The following CRYGN variants were observed in gnomAD, a reference collection of about 807,000 sequenced individuals.
The protein encoded by CRYGN is gamma-crystallin N.
A neutral mutation model predicts 19.2 loss-of-function variants in CRYGN; 17 were observed. The ratio of observed to expected loss-of-function variants is 0.89; its 90% confidence interval spans 0.61 to 1.33. The LOEUF is 1.33. Among genes scored for constraint, CRYGN ranks in the 40% most tolerant of loss-of-function variants. The pLI is 0.00. For synonymous variants in CRYGN, 84 were observed against 85.8 expected (o/e 0.98, Z 0.12); for missense variants, 239 against 239.6 (o/e 1.00, Z 0.02).
At position 151,436,247 on chromosome 7, in the gene CRYGN, G is replaced by C; in HGVS notation, c.349C>G (p.Pro117Ala). The C allele has an allele frequency of 6.3e-7, 1 of 1,599,044 alleles. No homozygotes were observed. Among genetic ancestry groups the C allele is most frequent in the Non-Finnish European group, 8.5e-7 (1 of 1,172,504 alleles). ...ACCCAGCCCCTGCTCTGGAGGAAGG[G>C]GCTGTCCTCCAGGAACTCCAGGCAC... is the stretch of plus-strand genomic sequence containing the variant. ...GQCLEFLEDSPFLQSRGWVKN... is the reference protein window; with the variant it reads ...GQCLEFLEDSAFLQSRGWVKN... The change falls in exon 3 of 4, where the codon CCC becomes GCC. Residue 117 changes from proline (P) to alanine (A), a missense_variant. Pro to Ala is a conservative substitution (Grantham distance 27, BLOSUM62 -1). Transcript: ENST00000337323. This position sits in a 1 kb window ranked among gnomAD's most constrained non-coding sequence, Gnocchi z 5.1.
rs1305625069 is a variant in CRYGN at position 151,431,582 on chromosome 7, A to G, written c.417-1402T>C. On this transcript the variant is annotated intron_variant, in intron 3 of 3. Coordinates refer to ENST00000337323, the MANE Select transcript of CRYGN (RefSeq NM_144727.3). The surrounding 1 kb of genome is among the most constrained non-coding windows in gnomAD (Gnocchi z 4.8). Reference sequence around the variant, plus strand: ...ACGCCCCATGCCCCTTTCTCCCCGAAAGCCCCTCCATTCCCACAGAGCCCA... The same window carrying G: ...ACGCCCCATGCCCCTTTCTCCCCGAGAGCCCCTCCATTCCCACAGAGCCCA... Among the ~76,000 whole-genome samples the G allele has an allele frequency of 6.6e-6, 1 of 151,998 alleles. No individual in the cohort carries two copies. The highest frequency in any genetic ancestry group is 1.5e-5 in the Non-Finnish European group (1 of 67,962).
chr7:151,432,124 C>A (rs945024450), intron 3 of CRYGN: 6 of 1,154,154 alleles, frequency 5.2e-6, no homozygotes, highest in Non-Finnish European at 6.5e-6. Context: ...AGAGCTGCGC[C>A]CGGCCATCCC....
rs200185270 is a variant in CRYGN at position 151,439,886 on chromosome 7, G to A, written c.21+11C>T. ...CCACTCGGTTTCCTTGGGGTTGAGGGACGCACTCACCTTCCCCGAGCGCTG... is the reference window on the plus strand; with the variant it reads ...CCACTCGGTTTCCTTGGGGTTGAGGAACGCACTCACCTTCCCCGAGCGCTG... On this transcript the variant is annotated intron_variant, in intron 1 of 3. Transcript: ENST00000337323. 1.3e-6 allele frequency: 2 copies of A among 1,557,316 alleles called. No homozygotes were observed. Among genetic ancestry groups the A allele is most frequent in the East Asian group, 2.4e-5 (1 of 42,298 alleles).
chr7:151,434,227 A>C (rs566152192), intron 3 of CRYGN, among the ~76,000 whole-genome samples: 7 of 152,290 alleles, frequency 4.6e-5, no homozygotes, highest in Non-Finnish European at 8.8e-5. Context: ...TCTCAGGGAC[A>C]GTGGGGATTG....
chr7:151,431,306 C>T lies in CRYGN; in HGVS notation c.417-1126G>A, dbSNP rs1470578263. Among the ~76,000 whole-genome samples the T allele has an allele frequency of 1.3e-5, 2 of 152,124 alleles. No homozygotes were observed. The highest frequency in any genetic ancestry group is 1.5e-5 in the Non-Finnish European group (1 of 68,008). On this transcript the variant is annotated intron_variant, in intron 3 of 3. Coordinates refer to ENST00000337323, the MANE Select transcript of CRYGN (RefSeq NM_144727.3). The surrounding 1 kb of genome is among the most constrained non-coding windows in gnomAD (Gnocchi z 4.8). ...CTTTTGGGGACGTGGACCTCTTATG[C>T]CCAGGAATCCCACTGCCTGGGCCGA...
rs570965363 is a variant in CRYGN at position 151,438,045 on chromosome 7, C to T, written c.221G>A (p.Arg74His). ...CATGTGGTCACTGTGGCTGTTCCAGCGGAAGAAGTCGGGGTAGTCGCCGTG... is the reference window on the plus strand; with the variant it reads ...CATGTGGTCACTGTGGCTGTTCCAGTGGAAGAAGTCGGGGTAGTCGCCGTG... ...LEHGDYPDFF[R>H]WNSHSDHMGS... Residue 74 changes from arginine to histidine, a missense_variant, in exon 2 of 4, where the codon CGC becomes CAC. Physicochemically the swap from Arg to His is conservative, Grantham distance 29. Transcript: ENST00000337323. 4.2e-5 allele frequency: 68 copies of T among 1,613,960 alleles called. No individual in the cohort carries two copies. The South Asian group carries it at 5.6e-4, about 13-fold the overall frequency.
At chr7:151,432,083 G>A (rs1005302475) in intron 3 of CRYGN, 8 of 748,818 alleles carry the variant, frequency 1.1e-5, no homozygotes, top group Admixed American at 8.7e-5. Context: ...CCGAGGTCTG[G>A]GTGGGACCGC....
In CRYGN at chr7:151,435,079, C is replaced by T. The variant is rs1801568600; in HGVS notation, c.416+1101G>A. 1.3e-5 allele frequency among the ~76,000 whole-genome samples: 2 copies of T among 152,272 alleles called. No homozygotes were observed. Among genetic ancestry groups the T allele is most frequent in the Admixed American group, 6.5e-5 (1 of 15,292 alleles). Reference sequence around the variant, plus strand: ...GACATGGGGTACCACCTGTGCCCAGCTCTGCCTCGGCCCAGTCTCTGTCTC... The same window carrying T: ...GACATGGGGTACCACCTGTGCCCAGTTCTGCCTCGGCCCAGTCTCTGTCTC... On this transcript the variant is annotated intron_variant, in intron 3 of 3. Transcript: ENST00000337323. This position sits in a 1 kb window ranked among gnomAD's most constrained non-coding sequence, Gnocchi z 4.2.
Position 151,436,228 on chromosome 7 carries a change from C to T in CRYGN, c.368G>A (p.Gly123Asp). 1.9e-6 allele frequency: 3 copies of T among 1,595,938 alleles called. No homozygotes were observed. Among genetic ancestry groups the T allele is most frequent in the South Asian group, 2.3e-5 (2 of 88,108 alleles). The change falls in exon 3 of 4, where the codon GGC (glycine) becomes GAC (aspartate). Residue 123 changes from glycine to aspartate, a missense_variant. Gly to Asp is a moderately conservative substitution (Grantham distance 94, BLOSUM62 -1). Coordinates refer to ENST00000337323, the MANE Select transcript of CRYGN (RefSeq NM_144727.3). This position sits in a 1 kb window ranked among gnomAD's most constrained non-coding sequence, Gnocchi z 5.1. ...LEDSPFLQSR[G>D]WVKNCVNTIK... ...GGTGTTCACACAGTTCTTGACCCAG[C>T]CCCTGCTCTGGAGGAAGGGGCTGTC...
rs925647300 is a variant in CRYGN, at chr7:151,429,356, C to T, written c.*692G>A. On this transcript the variant is annotated 3_prime_UTR_variant, in exon 4 of 4. Coordinates refer to ENST00000337323, the MANE Select transcript of CRYGN (RefSeq NM_144727.3). ...ACTACTAACCAGCCCTCATATGGCA[C>T]CCGCTCATGGGTCACGCCTTTGGCT... The T allele has an allele frequency of 6.6e-6, 1 of 152,622 alleles. No individual in the cohort carries two copies. The highest frequency in any genetic ancestry group is 1.5e-5 in the Non-Finnish European group (1 of 68,390). 9.5% of individuals were successfully genotyped at this position (152,622 alleles called of 1,614,324 possible).
At chr7:151,438,385 G>T in intron 1 of CRYGN, 141 bp from the exon 2 acceptor site, 1 of 783,478 alleles carries the variant, frequency 1.3e-6, no homozygotes, top group Admixed American at 2.8e-5. Context: ...CACAGTAGGT[G>T]CCCAACACTA....
chr7:151,434,946 C>A (rs74419846), intron 3 of CRYGN, among the ~76,000 whole-genome samples: 1,692 of 152,322 alleles, frequency 0.011, 21 homozygotes, highest in African/African-American at 0.034. Flanking sequence ...CCTAATCCAA[C>A]ATAAACGCTA....
At position 151,430,275 on chromosome 7, in the gene CRYGN, C is replaced by T; in HGVS notation, c.417-95G>A. ...ATCTACCACATGGCAGCAGGGAGCC[C>T]CTTCCCCTTTCCTGGGCGGAGTGGA... On this transcript the variant is annotated intron_variant, in intron 3 of 3. Transcript: ENST00000337323. The surrounding 1 kb of genome is among the most constrained non-coding windows in gnomAD (Gnocchi z 5.2). 1 of 1,264,456 alleles carries T rather than the reference C, an allele frequency of 7.9e-7. No homozygotes were observed. Among genetic ancestry groups the T allele is most frequent in the Non-Finnish European group, 1.1e-6 (1 of 896,992 alleles). The allele number at this position is 1,264,456 out of a possible 1,614,324, so 78.3% of individuals were successfully genotyped here.
rs1197255595 is a variant in CRYGN at position 151,430,069 on chromosome 7, A to G, written c.528T>C (p.Pro176=). The part of the protein sequence containing the change: ...ATTKPATTQP[P]FLTANL ...AGGCTCAGAGGTTTGCAGTCAGGAA[A>G]GGTGGCTGGGTTGTTGCTGGTTTTG... is the stretch of plus-strand genomic sequence containing the variant. Residue 176 remains proline, a synonymous_variant, in exon 4 of 4, where the codon CCT becomes CCC. Coordinates refer to ENST00000337323, the MANE Select transcript of CRYGN (RefSeq NM_144727.3). The surrounding 1 kb of genome is among the most constrained non-coding windows in gnomAD (Gnocchi z 5.2). 1 of 1,267,022 alleles carries G rather than the reference A, an allele frequency of 7.9e-7. No individual in the cohort carries two copies. Among genetic ancestry groups the G allele is most frequent in the Non-Finnish European group, 1.2e-6 (1 of 862,900 alleles). The allele number at this position is 1,267,022 out of a possible 1,614,324, so 78.5% of individuals were successfully genotyped here. A position where few individuals can be genotyped will look rare whatever the true frequency, so the allele number is the denominator to read the frequency against.
At chr7:151,440,251 C>T, upstream of CRYGN, 2 of 467,048 alleles carry the variant, frequency 4.3e-6, no homozygotes, top group Non-Finnish European at 7.1e-6. Context: ...AGCCCTCCAA[C>T]CTTTCTTCCC....
Position 151,433,727 on chromosome 7 carries a change from A to G in CRYGN, c.416+2453T>C, listed in dbSNP as rs1801528822. Reference sequence around the variant, plus strand: ...CCTGTGGTGGGCAAGAAATGCCCCAAGCCATGTCCTGGGCCACATGAGGGT... The same window carrying G: ...CCTGTGGTGGGCAAGAAATGCCCCAGGCCATGTCCTGGGCCACATGAGGGT... On this transcript the variant is annotated intron_variant, in intron 3 of 3. Transcript: ENST00000337323. The surrounding 1 kb of genome is among the most constrained non-coding windows in gnomAD (Gnocchi z 5.1). The G allele has an allele frequency of 6.5e-6, 1 of 154,836 alleles. No homozygotes were observed. Among genetic ancestry groups the G allele is most frequent in the Non-Finnish European group, 1.5e-5 (1 of 68,284 alleles). 9.6% of individuals were successfully genotyped at this position (154,836 alleles called of 1,614,324 possible).
Position 151,435,717 on chromosome 7 carries a change from G to A in CRYGN, c.416+463C>T, listed in dbSNP as rs1801586540. ...GCTCTGCGGGGTAGGCGCGGGGGCA[G>A]GGTGGGCTGGTCCACCCTTCTCAGA... On this transcript the variant is annotated intron_variant, in intron 3 of 3. Transcript: ENST00000337323. The surrounding 1 kb of genome is among the most constrained non-coding windows in gnomAD (Gnocchi z 4.2). Among the ~76,000 whole-genome samples the A allele has an allele frequency of 6.6e-6, 1 of 152,162 alleles. No homozygotes were observed. Among genetic ancestry groups the A allele is most frequent in the Admixed American group, 6.5e-5 (1 of 15,286 alleles).
At chr7:151,434,307 T>C (rs1055656729) in intron 3 of CRYGN, among the ~76,000 whole-genome samples, 2 of 152,096 alleles carry the variant, frequency 1.3e-5, no homozygotes, top group Admixed American at 6.5e-5. Flanking sequence ...CCCCTGAGCG[T>C]TGGGGGTGGG....
In CRYGN at chr7:151,439,281, C is replaced by T. The variant is rs78423114; in HGVS notation, c.21+616G>A. On this transcript the variant is annotated intron_variant, in intron 1 of 3. Transcript: ENST00000337323. ...ATCACCTGGCCCATGCAGACTGATA[C>T]AGCAACACAGTCACCCCCAGACACT... 1.7e-3 allele frequency among the ~76,000 whole-genome samples: 255 copies of T among 152,330 alleles called. 1 individual carries two copies. In the East Asian group the frequency reaches 0.045, roughly 27 times the overall value.
Sources: gnomAD v4.1 joint callset for allele counts (sites outside exome capture counted in the v4.1 genomes callset) on GRCh38, gnomAD v4.1.1 for gene constraint, Gnocchi (gnomAD v3.1) non-coding constraint, MANE v1.5 for transcripts, NCBI Gene and HGNC (gene_info 2026-07-23, HGNC 2026-07-21) for gene names.